RBFOX1: variants seen among roughly 807,000 people sequenced by gnomAD.
RBFOX1 encodes the protein RNA binding fox-1 homolog 1.
In RBFOX1, 8 loss-of-function variants were observed where a neutral mutation model predicts 57.7. The ratio of observed to expected loss-of-function variants is 0.14; its 90% CI spans 0.08 to 0.25. The LOEUF (loss-of-function observed/expected upper bound fraction) is 0.25, where lower values mean the gene tolerates loss of function less well. Among genes scored for constraint, RBFOX1 ranks in the 10% least tolerant of loss-of-function variants. The pLI is 1.00. For synonymous variants in RBFOX1, 326 were observed against 222.4 expected, an observed-to-expected ratio of 1.47 and a Z score of -4.15; for missense variants, 611 against 548.5, an observed-to-expected ratio of 1.11 and a Z score of -1.14.
intron 2 of RBFOX1, among the ~76,000 whole-genome samples, chr16:6,321,451 C>T (rs898852646): frequency 6.6e-6 from 1 of 152,134 alleles, no homozygotes; most frequent in African/African-American, 2.4e-5. Flanking sequence ...TCCTCTATTC[C>T]CTGCTGTTCC....
chr16:5,609,045 C>T (rs909927418), intron 3 of RBFOX1, among the ~76,000 whole-genome samples: 3 of 152,042 alleles, frequency 2.0e-5, no homozygotes, highest in East Asian at 1.9e-4. Context: ...TCAAGAAAGA[C>T]GGAAGGAAGA....
chr16:6,266,516 C>G (rs2074512906), intron 1 of RBFOX1, among the ~76,000 whole-genome samples: 2 of 152,008 alleles, frequency 1.3e-5, no homozygotes, highest in Admixed American at 6.6e-5. Flanking sequence ...GAGTTCGAGA[C>G]CAGCCTGGCC....
chr16:6,624,677 A>T (rs560222143), intron 2 of RBFOX1, among the ~76,000 whole-genome samples: 14 of 152,268 alleles, frequency 9.2e-5, no homozygotes, highest in Admixed American at 9.2e-4. Context: ...GCATTTCTTG[A>T]GGTCACCAGA....
At chr16:7,414,563 A>G (rs953457130) in intron 4 of RBFOX1, among the ~76,000 whole-genome samples, 16 of 152,314 alleles carry the variant, frequency 1.1e-4, no homozygotes, top group East Asian at 1.9e-4. Context: ...GAACTTGTTG[A>G]AGGTCTACCA....
chr16:6,013,178 T>G (rs1408069966), intron 4 of RBFOX1, among the ~76,000 whole-genome samples: 1 of 152,198 alleles, frequency 6.6e-6, no homozygotes, highest in African/African-American at 2.4e-5. Context: ...GAACGCAGGC[T>G]GTCCTACTCA....
intron 3 of RBFOX1, among the ~76,000 whole-genome samples, chr16:5,810,246 A>G (rs972833216): frequency 3.9e-5 from 6 of 152,142 alleles, no homozygotes; most frequent in Admixed American, 2.0e-4. Flanking sequence ...TAATGGGTGC[A>G]GCACACCAGA....
intron 3 of RBFOX1, among the ~76,000 whole-genome samples, chr16:5,636,193 C>T (rs572308441): frequency 7.3e-4 from 111 of 152,130 alleles, no homozygotes; most frequent in Non-Finnish European, 1.2e-3. Flanking sequence ...ACTAAAAATA[C>T]AAAAATTAGC....
At chr16:6,500,306 G>C (rs1160701362) in intron 2 of RBFOX1, among the ~76,000 whole-genome samples, 1 of 152,120 alleles carries the variant, frequency 6.6e-6, no homozygotes, top group African/African-American at 2.4e-5. Context: ...CATGCTTCAA[G>C]GTATACACAT....
chr16:7,222,252 A>G (rs974827743), intron 4 of RBFOX1, among the ~76,000 whole-genome samples: 5 of 152,220 alleles, frequency 3.3e-5, no homozygotes, highest in African/African-American at 9.6e-5. Flanking sequence ...TTTACTTTAC[A>G]TGAGGGCAAG....
chr16:7,386,401 C>G (rs1158288729), intron 4 of RBFOX1, among the ~76,000 whole-genome samples: 17 of 151,518 alleles, frequency 1.1e-4, no homozygotes, highest in Non-Finnish European at 2.2e-4. Flanking sequence ...CCCAACAGGC[C>G]CCAGTGTGTG....
At chr16:7,126,138 A>G (rs760108868) in intron 4 of RBFOX1, among the ~76,000 whole-genome samples, 5 of 152,180 alleles carry the variant, frequency 3.3e-5, no homozygotes, top group Non-Finnish European at 7.4e-5. Flanking sequence ...TTTCTTCCCC[A>G]TGAAAATAAC....
chr16:5,534,563 G>T (rs76314505), intron 2 of RBFOX1, among the ~76,000 whole-genome samples: 2 of 152,132 alleles, frequency 1.3e-5, no homozygotes, highest in East Asian at 1.9e-4. Flanking sequence ...AGCAACCAGC[G>T]CAGGAGAAAG....
At chr16:7,466,426 A>AT (rs149095420) in intron 4 of RBFOX1, among the ~76,000 whole-genome samples, 1,902 of 152,298 alleles carry the variant, frequency 0.012, 18 homozygotes, top group Non-Finnish European at 0.018. Context: ...TCATGTTTCC[A>AT]TTTTAAGGAT....
intron 1 of RBFOX1, among the ~76,000 whole-genome samples, chr16:5,244,156 C>G (rs1321582733): frequency 6.6e-6 from 1 of 152,164 alleles, no homozygotes; most frequent in Non-Finnish European, 1.5e-5. Flanking sequence ...CTCGGCCTCC[C>G]AAGGTGCTGA....
At position 5,799,332 on chromosome 16, in the gene RBFOX1, G is replaced by T. The variant is rs746444294; in HGVS notation, c.319-67971G>T. Among the ~76,000 whole-genome samples, 43 of 152,214 alleles carry T rather than the reference G, an allele frequency of 2.8e-4. 2 individuals carry two copies. Among genetic ancestry groups the T allele is most frequent in the Admixed American group, 2.4e-3 (36 of 15,292 alleles). ...GAGCTACAAGTAAGATGAGATTTGG[G>T]TGGGGACATAGCCAAACCATATCAA... On this transcript the variant is annotated intron_variant, in intron 3 of 19. Transcript: ENST00000641259.
chr16:5,937,248 G>A (rs1239870857), intron 4 of RBFOX1, among the ~76,000 whole-genome samples: 1 of 152,172 alleles, frequency 6.6e-6, no homozygotes, highest in Non-Finnish European at 1.5e-5. Context: ...CCTATAGTGT[G>A]TGGATTTACA....
chr16:7,060,714 G>A (rs1179479887), intron 4 of RBFOX1, among the ~76,000 whole-genome samples: 2 of 152,082 alleles, frequency 1.3e-5, no homozygotes, highest in Non-Finnish European at 2.9e-5. Flanking sequence ...CCCCAAGGAG[G>A]GTGACATTTC....
At chr16:7,060,884 C>G (rs1197235896) in intron 4 of RBFOX1, among the ~76,000 whole-genome samples, 1 of 152,152 alleles carries the variant, frequency 6.6e-6, no homozygotes, top group Non-Finnish European at 1.5e-5. Context: ...CATTAACTTT[C>G]CAAATGATCA....
At chr16:7,275,530 G>T (rs1271141410) in intron 4 of RBFOX1, among the ~76,000 whole-genome samples, 2 of 152,146 alleles carry the variant, frequency 1.3e-5, no homozygotes, top group African/African-American at 4.8e-5. Context: ...ATAGAATTTG[G>T]TATTTTTGCT....
Sources: gnomAD v4.1 joint callset for allele counts (sites outside exome capture counted in the v4.1 genomes callset) on GRCh38, gnomAD v4.1.1 for gene constraint, MANE v1.5 for transcripts, NCBI Gene and HGNC (gene_info 2026-07-23, HGNC 2026-07-21) for gene names.